Variants in LAMA2 observed in about 807,000 individuals in gnomAD.
The protein encoded by LAMA2 is laminin subunit alpha-2.
In LAMA2, 269 loss-of-function variants were observed where a neutral mutation model predicts 364.8. The ratio of observed to expected loss-of-function variants is 0.74; its 90% CI spans 0.67 to 0.82. The LOEUF is 0.82. LAMA2 is among the 40% of genes least tolerant of loss of function. The pLI is 0.00. For synonymous variants in LAMA2, 1,379 were observed against 1,370.6 expected (o/e 1.01, Z -0.14); for missense variants, 3,807 against 3,873.2 (o/e 0.98, Z 0.45).
chr6:129,375,722 A>T (rs939779151), intron 34 of LAMA2, among the ~76,000 whole-genome samples: 1 of 152,132 alleles, frequency 6.6e-6, no homozygotes, highest in South Asian at 2.1e-4. Flanking sequence ...TTGGTCTTCA[A>T]TTGCCATGTA....
Position 129,008,924 on chromosome 6 carries a change from T to C in LAMA2, c.113-40994T>C, listed in dbSNP as rs11964368. Among the ~76,000 whole-genome samples, 913 of 152,310 alleles carry C rather than the reference T, an allele frequency of 6.0e-3. 8 individuals carry two copies. Among genetic ancestry groups the C allele is most frequent in the African/African-American group, 0.021 (857 of 41,568 alleles). On this transcript the variant is annotated intron_variant, in intron 1 of 64. Transcript: ENST00000421865. ...CCAGGATGTAGTGTACTTACTGCAG[T>C]GTGGTCTATGATTTTTCTTGGCATG...
At chr6:129,296,873 C>T (rs1235136724) in intron 20 of LAMA2, among the ~76,000 whole-genome samples, 2 of 152,072 alleles carry the variant, frequency 1.3e-5, no homozygotes, top group Non-Finnish European at 2.9e-5. Context: ...AATCCATCAG[C>T]ATTTTCTAAC....
chr6:129,274,518 A>G (rs1039286624), intron 17 of LAMA2, among the ~76,000 whole-genome samples: 2 of 152,018 alleles, frequency 1.3e-5, no homozygotes, highest in Non-Finnish European at 2.9e-5. Flanking sequence ...ATCCCTGGTC[A>G]TAAATCTTAT....
intron 1 of LAMA2, among the ~76,000 whole-genome samples, chr6:128,922,366 C>T (rs955747577): frequency 3.3e-5 from 5 of 151,552 alleles, no homozygotes; most frequent in African/African-American, 1.2e-4. Flanking sequence ...CTCTCCAGCC[C>T]CTGTTGTTTC....
chr6:129,304,155 A>T (rs556546859), intron 22 of LAMA2, among the ~76,000 whole-genome samples: 1 of 152,350 alleles, frequency 6.6e-6, no homozygotes, highest in Non-Finnish European at 1.5e-5. Context: ...ATAATATGGT[A>T]GTAATAGGAA....
At chr6:129,507,374 T>A (rs532110683) in intron 61 of LAMA2, 115 bp from the exon 62 acceptor site, 5 of 1,117,932 alleles carry the variant, frequency 4.5e-6, no homozygotes, top group Admixed American at 1.7e-5. Context: ...GGATATCCCA[T>A]CCTAAGACAA....
At chr6:129,515,020 C>T (rs1030914033) in intron 64 of LAMA2, among the ~76,000 whole-genome samples, 1 of 152,098 alleles carries the variant, frequency 6.6e-6, no homozygotes, top group African/African-American at 2.4e-5. Context: ...TAGCTAATTT[C>T]CCCCTTATGT....
intron 12 of LAMA2, among the ~76,000 whole-genome samples, chr6:129,241,248 A>T (rs548913168): frequency 2.3e-4 from 35 of 152,338 alleles, no homozygotes; most frequent in African/African-American, 7.9e-4. Flanking sequence ...TATCTATAAG[A>T]TGCTTATGCA....
intron 40 of LAMA2, among the ~76,000 whole-genome samples, chr6:129,414,285 G>T (rs9492322): frequency 0.43 from 65,487 of 151,796 alleles, 14,261 homozygotes; most frequent in South Asian, 0.48. Flanking sequence ...TTGTTCCCAA[G>T]AATGGAAAAA....
chr6:128,965,536 C>T (rs4262207), intron 1 of LAMA2, among the ~76,000 whole-genome samples: 1 of 151,956 alleles, frequency 6.6e-6, no homozygotes, highest in African/African-American at 2.4e-5. Context: ...TTTTTATTTT[C>T]CTCTTGTTTC....
At chr6:129,292,129 G>A (rs1379904522) in intron 20 of LAMA2, among the ~76,000 whole-genome samples, 1 of 152,092 alleles carries the variant, frequency 6.6e-6, no homozygotes, top group Admixed American at 6.5e-5. Flanking sequence ...GGTGGATCAC[G>A]AGGTCAGGAG....
At chr6:129,125,116 T>C (rs533295858) in intron 4 of LAMA2, among the ~76,000 whole-genome samples, 17 of 152,188 alleles carry the variant, frequency 1.1e-4, no homozygotes, top group Non-Finnish European at 2.2e-4. Flanking sequence ...TTCCGTGAGG[T>C]GTGAGAATGA....
intron 53 of LAMA2, among the ~76,000 whole-genome samples, chr6:129,478,468 G>A (rs959129697): frequency 8.5e-5 from 13 of 152,118 alleles, no homozygotes; most frequent in African/African-American, 3.1e-4. Context: ...TATTGCTAAA[G>A]GGGAGAAGGA....
chr6:129,259,636 A>G (rs1446239323), intron 14 of LAMA2, among the ~76,000 whole-genome samples: 1 of 152,090 alleles, frequency 6.6e-6, no homozygotes, highest in Non-Finnish European at 1.5e-5. Flanking sequence ...TCAACAGTCA[A>G]TGAAAATAGG....
chr6:129,059,697 CCA>C lies in LAMA2; in HGVS notation c.284-86_284-85del, dbSNP rs1562200413. 7.6e-6 allele frequency: 6 copies of C among 792,968 alleles called. No individual in the cohort carries two copies. In the African/African-American group the frequency reaches 7.8e-5, roughly 10 times the overall value. The allele number at this position is 792,968 out of a possible 1,614,324, so 49.1% of individuals were successfully genotyped here. ...GATATTCACATGATGGTTGTTTTAA[CCA>C]TTTTTTTTTACTTTAAAGAAAAAGC... On this transcript the variant is annotated intron_variant, in intron 2 of 64. Transcript: ENST00000421865.
At chr6:129,223,776 T>A (rs1784046454) in intron 12 of LAMA2, among the ~76,000 whole-genome samples, 1 of 152,246 alleles carries the variant, frequency 6.6e-6, no homozygotes, top group African/African-American at 2.4e-5. Context: ...TCAGGTAGCA[T>A]GATGCCTCCA....
rs191295969 is a variant in LAMA2, at chr6:129,397,521, A to G, written c.5446-3703A>G. Among the ~76,000 whole-genome samples the G allele has an allele frequency of 5.3e-5, 8 of 152,322 alleles. No individual in the cohort carries two copies. In the East Asian group the frequency reaches 1.5e-3, roughly 29 times the overall value. ...CAGATTGTTTTCCGTGAATAAATAA[A>G]GTGCCATAGAACAAACCCAGATACT... On this transcript the variant is annotated intron_variant, in intron 37 of 64. Transcript: ENST00000421865.
intron 2 of LAMA2, among the ~76,000 whole-genome samples, chr6:129,057,821 G>T (rs537013356): frequency 2.0e-5 from 3 of 152,284 alleles, no homozygotes; most frequent in Middle Eastern, 3.4e-3. Flanking sequence ...GTCCATGTTT[G>T]TTCCTCATAG....
intron 48 of LAMA2, among the ~76,000 whole-genome samples, chr6:129,456,906 T>G (rs1782994973): frequency 6.6e-6 from 1 of 152,196 alleles, no homozygotes; most frequent in Admixed American, 6.5e-5. Context: ...TCACAGGAGC[T>G]ATAAGCTTTC....
Sources: allele counts gnomAD v4.1 joint callset (sites outside exome capture counted in the v4.1 genomes callset), GRCh38; gene constraint gnomAD v4.1.1; transcripts MANE v1.5; gene names NCBI Gene and HGNC (gene_info 2026-07-23, HGNC 2026-07-21).